The following ACYP2 variants were observed in gnomAD, a reference collection of about 807,000 sequenced individuals.
ACYP2 encodes acylphosphatase-2.
Under a neutral mutation model 11.2 loss-of-function variants are expected in ACYP2, and 12 were observed. The observed-to-expected ratio is 1.08, with a 90% CI of 0.69 to 1.74. The LOEUF (loss-of-function observed/expected upper bound fraction) is 1.74, where lower values mean the gene tolerates loss of function less well. Among genes scored for constraint, ACYP2 ranks in the 40% most tolerant of loss-of-function variants. The pLI is 0.00. For synonymous variants in ACYP2, 43 were observed against 32.2 expected (o/e 1.33, Z -1.13); for missense variants, 134 against 101.9 (o/e 1.31, Z -1.35).
intron 6 of ACYP2, chr2:54,254,989 T>C (rs1188690347): frequency 1.9e-6 from 3 of 1,613,970 alleles, no homozygotes; most frequent in African/African-American, 1.3e-5. Context: ...TCTAGCTCTA[T>C]GGGCGTCTTC....
intron 6 of ACYP2, among the ~76,000 whole-genome samples, chr2:54,280,673 T>C (rs1402722801): frequency 4.6e-5 from 7 of 152,150 alleles, no homozygotes; most frequent in East Asian, 3.8e-4. Flanking sequence ...AAACAATATA[T>C]GCCTTTCATT....
chr2:54,017,660 G>A (rs76491996), intron 2 of ACYP2, among the ~76,000 whole-genome samples: 41 of 152,228 alleles, frequency 2.7e-4, no homozygotes, highest in African/African-American at 9.1e-4. Context: ...ATAGATAGAC[G>A]TAGTTCAGGA....
chr2:54,010,080 G>A (rs1673278058), intron 2 of ACYP2, among the ~76,000 whole-genome samples: 1 of 152,158 alleles, frequency 6.6e-6, no homozygotes, highest in South Asian at 2.1e-4. Context: ...TTATGGGTAG[G>A]AATGGGCATT....
intron 2 of ACYP2, among the ~76,000 whole-genome samples, chr2:53,978,089 C>G (rs1041969251): frequency 6.6e-6 from 1 of 151,624 alleles, no homozygotes. Context: ...TGAAGAAACC[C>G]CATCTCTACT....
intron 6 of ACYP2, among the ~76,000 whole-genome samples, chr2:54,261,781 C>T (rs992589938): frequency 1.3e-5 from 2 of 152,152 alleles, no homozygotes; most frequent in South Asian, 2.1e-4. Flanking sequence ...ATGTTACTTT[C>T]GTAAGATTCA....
At chr2:54,079,149 C>G (rs994485733) in intron 4 of ACYP2, among the ~76,000 whole-genome samples, 4 of 152,158 alleles carry the variant, frequency 2.6e-5, no homozygotes, top group Non-Finnish European at 4.4e-5. Context: ...TTATCTTTGT[C>G]TCCTAGATGA....
rs766545405 is a variant in ACYP2, at chr2:54,304,742, C to A, written c.459C>A (p.Asn153Lys). 3.5e-5 allele frequency: 56 copies of A among 1,612,060 alleles called. No homozygotes were observed. The Admixed American group carries it at 9.3e-4, about 27-fold the overall frequency. ...CTAGTTCTCGCATTGACCGCACAAA[C>A]TTTTCTAATGAAAAAACCATCTCTA... The change falls in exon 7 of 7, where the codon AAC becomes AAA. Residue 153 changes from asparagine to lysine, a missense_variant. Transcript: ENST00000607452.
chr2:54,078,624 G>T, intron 4 of ACYP2, among the ~76,000 whole-genome samples: 1 of 147,300 alleles, frequency 6.8e-6, no homozygotes. Flanking sequence ...TTTTGAGATG[G>T]AGTCTTACTC....
At chr2:53,987,019 T>A (rs2104515048) in intron 2 of ACYP2, among the ~76,000 whole-genome samples, 1 of 152,242 alleles carries the variant, frequency 6.6e-6, no homozygotes, top group African/African-American at 2.4e-5. Flanking sequence ...GAATGAAAAA[T>A]GCACAAATAC....
chr2:54,099,944 G>A lies in ACYP2; in HGVS notation c.278-35509G>A, dbSNP rs188860370. Among the ~76,000 whole-genome samples, 377 of 152,080 alleles carry A rather than the reference G, an allele frequency of 2.5e-3. 3 individuals carry two copies. The highest frequency in any genetic ancestry group is 0.023 in the Admixed American group (346 of 15,270). On this transcript the variant is annotated intron_variant, in intron 4 of 6. Coordinates refer to ENST00000607452, the MANE Select transcript of ACYP2 (RefSeq NM_001320586.2). ...AATGTTCCCTTTTCTCCACACCCTC[G>A]CCAACACTATCGTTTATCTTTTTCA... is the stretch of plus-strand genomic sequence containing the variant.
intron 6 of ACYP2, chr2:54,267,187 C>A (rs780942215): frequency 8.6e-5 from 99 of 1,149,332 alleles, no homozygotes; most frequent in Non-Finnish European, 1.2e-4. Context: ...ATTTTTTCAT[C>A]AAGAAAATGT....
At chr2:54,042,891 C>A (rs1675311769) in intron 2 of ACYP2, among the ~76,000 whole-genome samples, 1 of 152,208 alleles carries the variant, frequency 6.6e-6, no homozygotes, top group Admixed American at 6.5e-5. Flanking sequence ...TTCTTAGGAA[C>A]CTAAACACAT....
intron 6 of ACYP2, among the ~76,000 whole-genome samples, chr2:54,178,119 T>C (rs951873124): frequency 6.6e-6 from 1 of 152,286 alleles, no homozygotes; most frequent in East Asian, 1.9e-4. Flanking sequence ...TTGGCCAGGC[T>C]GGTCTTGAGC....
intron 2 of ACYP2, among the ~76,000 whole-genome samples, chr2:53,980,951 C>A (rs745794130): frequency 3.9e-5 from 6 of 151,930 alleles, no homozygotes; most frequent in African/African-American, 1.2e-4. Flanking sequence ...GGGGTTTTGC[C>A]GTGTTGCCCA....
At chr2:54,231,797 C>T (rs902663644) in intron 6 of ACYP2, among the ~76,000 whole-genome samples, 1 of 152,162 alleles carries the variant, frequency 6.6e-6, no homozygotes, top group Non-Finnish European at 1.5e-5. Context: ...TCCTGCCTCT[C>T]GGGCACGCCA....
At chr2:54,064,161 G>T (rs1676618799) in intron 4 of ACYP2, among the ~76,000 whole-genome samples, 1 of 151,824 alleles carries the variant, frequency 6.6e-6, no homozygotes, top group African/African-American at 2.4e-5. Flanking sequence ...TTTTTTTTTG[G>T]CTGCTCAGCA....
intron 6 of ACYP2, among the ~76,000 whole-genome samples, chr2:54,147,973 G>T (rs1236855180): frequency 6.6e-6 from 1 of 152,110 alleles, no homozygotes; most frequent in Non-Finnish European, 1.5e-5. Flanking sequence ...GTAATAAGAA[G>T]TTTGGAGGCA....
intron 2 of ACYP2, among the ~76,000 whole-genome samples, chr2:53,987,570 T>C (rs1333014314): frequency 6.6e-6 from 1 of 152,200 alleles, no homozygotes; most frequent in African/African-American, 2.4e-5. Context: ...CAAACAGTTT[T>C]CTAGAGTGGC....
chr2:54,170,149 GTTCAT>G (rs1374237367), intron 6 of ACYP2, among the ~76,000 whole-genome samples: 3 of 152,026 alleles, frequency 2.0e-5, no homozygotes, highest in African/African-American at 7.2e-5. Flanking sequence ...GGCTCCAGTT[GTTCAT>G]TTCTTCTTTT....
Sources: allele counts gnomAD v4.1 joint callset (sites outside exome capture counted in the v4.1 genomes callset), GRCh38; gene constraint gnomAD v4.1.1; transcripts MANE v1.5; gene names NCBI Gene and HGNC (gene_info 2026-07-23, HGNC 2026-07-21).